SEMA4G: variants seen among roughly 807,000 people sequenced by gnomAD.
The protein encoded by SEMA4G is semaphorin 4G, also known as semaphorin-4G.
In SEMA4G, 59 loss-of-function variants were observed where a neutral mutation model predicts 81.2. The observed-to-expected ratio is 0.73, with a 90% CI of 0.59 to 0.90. SEMA4G has a LOEUF of 0.90. Among genes scored for constraint, SEMA4G ranks in the 40% least tolerant of loss-of-function variants. SEMA4G has a pLI of 0.00. For missense variants in SEMA4G, 952 were observed against 1,102.3 expected (o/e 0.86, Z 1.93); for synonymous variants, 404 against 433.9 (o/e 0.93, Z 0.86).
intron 4 of SEMA4G, 60 bp from the exon 6 acceptor site, chr10:100,978,235 T>C (rs1302034063): frequency 3.0e-6 from 4 of 1,313,776 alleles, no homozygotes; most frequent in Non-Finnish European, 4.3e-6. Context: ...CTGATCTGAC[T>C]TTGAGCCACT....
At chr10:100,981,629 G>A in intron 13 of SEMA4G, 1 of 1,491,732 alleles carries the variant, frequency 6.7e-7, no homozygotes, top group Non-Finnish European at 9.3e-7. Flanking sequence ...ATACTTCTAT[G>A]CATGATGTCA....
At chr10:100,984,261 C>T (rs1851307077) in exon 14 of SEMA4G, 1 of 1,444,170 alleles carries the variant, frequency 6.9e-7, no homozygotes, top group Non-Finnish European at 9.0e-7. Flanking sequence ...TTTTTGATGT[C>T]CCTGTAGGGC....
chr10:100,984,851 G>C (rs1272637340), downstream of SEMA4G: 6 of 1,500,192 alleles, frequency 4.0e-6, no homozygotes, highest in Non-Finnish European at 5.3e-6. Context: ...TGGCCCTTGT[G>C]AATCAGCCTC....
Position 100,978,846 on chromosome 10 carries a change from C to T in SEMA4G, c.644-3C>T, listed in dbSNP as rs1850920470. 1.2e-6 allele frequency: 2 copies of T among 1,613,128 alleles called. No homozygotes were observed. Among genetic ancestry groups the T allele is most frequent in the Non-Finnish European group, 1.7e-6 (2 of 1,179,220 alleles). ...AAAGCCTCTCAAACTGCCTGACCCACAGATGCGGAGTTTGTGTTCTCCGTC... is the reference window on the plus strand; with the variant it reads ...AAAGCCTCTCAAACTGCCTGACCCATAGATGCGGAGTTTGTGTTCTCCGTC... On this transcript the variant is annotated splice_polypyrimidine_tract_variant and splice_region_variant and intron_variant, in intron 6 of 13. Transcript: ENST00000370250.
At chr10:100,979,558 T>C (rs1300018343) in intron 8 of SEMA4G, among the ~76,000 whole-genome samples, 3 of 152,066 alleles carry the variant, frequency 2.0e-5, no homozygotes. Flanking sequence ...AATTTTTGTA[T>C]TTTTAATAGA....
In SEMA4G at chr10:100,980,809, A is replaced by G. The variant is rs1243886955; in HGVS notation, c.1468-13A>G. ...GGGGACGCTGCCGACCAACTGTCCT[A>G]TCTGGCTCCCAGCACAGCCTCTATG... On this transcript the variant is annotated splice_polypyrimidine_tract_variant and intron_variant, in intron 11 of 13. Transcript: ENST00000370250. 3.2e-6 allele frequency: 5 copies of G among 1,565,000 alleles called. No individual in the cohort carries two copies. The highest frequency in any genetic ancestry group is 4.3e-6 in the Non-Finnish European group (5 of 1,159,712).
At chr10:100,983,530 T>A in exon 14 of SEMA4G, 1 of 1,614,106 alleles carries the variant, frequency 6.2e-7, no homozygotes. Flanking sequence ...GAAAATGGCC[T>A]CCGCACCCTG....
chr10:100,978,928 C>G (rs1233131910), exon 7 of SEMA4G: 1 of 1,614,216 alleles, frequency 6.2e-7, no homozygotes, highest in East Asian at 2.2e-5. Flanking sequence ...TGTACTACTT[C>G]TTCACGGAGC....
In SEMA4G at chr10:100,973,492, A is replaced by C; in HGVS notation, c.274-55A>C. 6.4e-7 allele frequency: 1 copy of C among 1,567,322 alleles called. No individual in the cohort carries two copies. Among genetic ancestry groups the C allele is most frequent in the Non-Finnish European group, 8.8e-7 (1 of 1,139,150 alleles). On this transcript the variant is annotated intron_variant, in intron 2 of 13. Transcript: ENST00000370250. The surrounding 1 kb of genome is among the most constrained non-coding windows in gnomAD (Gnocchi z 5.5). ...CTGTGGGGTCCTATTGCCTGGTCCT[A>C]TGAGTAATAGGTATTGGGGTCAGTG...
At chr10:100,978,463 T>G in intron 5 of SEMA4G, 64 bp from the exon 7 acceptor site, 1 of 1,594,486 alleles carries the variant, frequency 6.3e-7, no homozygotes, top group Non-Finnish European at 8.6e-7. Context: ...CCTGCCACCA[T>G]GTATATGTCA....
At position 100,980,606 on chromosome 10, in the gene SEMA4G, C is replaced by G. The variant is rs542169408; in HGVS notation, c.1380C>G (p.Val460=). The change falls in exon 11 of 14, where the codon GTC becomes GTG. Residue 460 remains valine, a synonymous_variant. Transcript: ENST00000370250. ...ATGGCTGGATCCACAAGGCCGTAGT[C>G]CTGGGCTCTGGGATGCACATTATTG... 1.9e-6 allele frequency: 3 copies of G among 1,614,182 alleles called. No homozygotes were observed. The East Asian group carries it at 6.7e-5, about 36-fold the overall frequency.
chr10:100,983,923 C>A, exon 14 of SEMA4G: 11 of 1,591,444 alleles, frequency 6.9e-6, no homozygotes, highest in Non-Finnish European at 9.4e-6. Flanking sequence ...CCCCCACCGC[C>A]CCCACCGCCA....
Position 100,980,838 on chromosome 10 carries a change from G to C in SEMA4G, c.1484G>C (p.Gly495Ala), listed in dbSNP as rs777088467. The C allele has an allele frequency of 1.3e-6, 2 of 1,580,020 alleles. No homozygotes were observed. Among genetic ancestry groups the C allele is most frequent in the Admixed American group, 1.9e-5 (1 of 52,560 alleles). ...GGCTCCCAGCACAGCCTCTATGTGG[G>C]GGCTCCTAGCGGAGTCATCCAGCTA... Residue 495 changes from glycine (G) to alanine (A), a missense_variant, in exon 12 of 14, where the codon GGG becomes GCG. Gly to Ala is a moderately conservative substitution (Grantham distance 60). This residue lies in a region of SEMA4G where 131 missense variants were observed against 200.7 expected (regional missense o/e 0.65). Transcript: ENST00000370250.
At position 100,973,637 on chromosome 10, in the gene SEMA4G, C is replaced by A; in HGVS notation, c.336+28C>A. ...ATGTGGTCTGCCCTGTCCCCAGCTC[C>A]TTTCCTCCCCTTCTTCCTCAATCAG... On this transcript the variant is annotated intron_variant, in intron 3 of 13. Transcript: ENST00000370250. The surrounding 1 kb of genome is among the most constrained non-coding windows in gnomAD (Gnocchi z 5.5). 6.2e-7 allele frequency: 1 copy of A among 1,604,220 alleles called. No individual in the cohort carries two copies. Among genetic ancestry groups the A allele is most frequent in the East Asian group, 2.2e-5 (1 of 44,816 alleles).
chr10:100,975,507 C>T (rs982186482), intron 3 of SEMA4G, among the ~76,000 whole-genome samples: 6 of 152,218 alleles, frequency 3.9e-5, no homozygotes, highest in African/African-American at 7.2e-5. Flanking sequence ...AGATAGGTTT[C>T]ACCTGTGGTT....
chr10:100,974,892 A>G (rs1038364557), intron 3 of SEMA4G: 6 of 429,896 alleles, frequency 1.4e-5, no homozygotes, highest in African/African-American at 6.3e-5. Context: ...CAGGAGGATC[A>G]CTTGAGCCCA....
chr10:100,978,232 G>T, intron 4 of SEMA4G, 63 bp from the exon 6 acceptor site: 1 of 1,263,390 alleles, frequency 7.9e-7, no homozygotes, highest in South Asian at 1.3e-5. Context: ...AGACTGATCT[G>T]ACTTTGAGCC....
upstream of SEMA4G, among the ~76,000 whole-genome samples, chr10:100,971,745 C>T (rs537322504): frequency 4.6e-5 from 7 of 152,252 alleles, no homozygotes; most frequent in African/African-American, 1.2e-4. Context: ...CCATCCCATC[C>T]CCAACTGGTT....
chr10:100,979,010 G>A, exon 7 of SEMA4G: 7 of 1,614,062 alleles, frequency 4.3e-6, no homozygotes, highest in Non-Finnish European at 5.9e-6. Context: ...TGTGGCTCGT[G>A]TCTGCAAGGT....
Sources: gnomAD v4.1 joint callset for allele counts (sites outside exome capture counted in the v4.1 genomes callset) on GRCh38, gnomAD v4.1.1 for gene constraint, gnomAD v4.1.1 regional missense constraint, Gnocchi (gnomAD v3.1) non-coding constraint, MANE v1.5 for transcripts, NCBI Gene and HGNC (gene_info 2026-07-23, HGNC 2026-07-21) for gene names.